KAZN: variants seen among roughly 807,000 people sequenced by gnomAD.
The protein encoded by KAZN is kazrin.
Under a neutral mutation model 87.4 loss-of-function variants are expected in KAZN, and 40 were observed. That is an observed-to-expected ratio of 0.46 (90% confidence interval 0.36 to 0.60). The LOEUF (loss-of-function observed/expected upper bound fraction) is 0.60. KAZN is among the 20% of genes least tolerant of loss of function. The probability of loss-of-function intolerance (pLI) is 0.00; values close to 1 mark genes in which losing one functional copy is unlikely to be tolerated. For missense variants in KAZN, 898 were observed against 1,073.9 expected, an observed-to-expected ratio of 0.84 and a Z score of 2.29; for synonymous variants, 466 against 458.3, an observed-to-expected ratio of 1.02 and a Z score of -0.22.
rs142347737 is a variant in KAZN, at chr1:14,772,181, G to A, written c.226+172958G>A. On this transcript the variant is annotated intron_variant, in intron 1 of 14. Coordinates refer to ENST00000376030, the MANE Select transcript of KAZN (RefSeq NM_201628.3). ...CAATGAGGGTGTCCCTTCTGGTTGG[G>A]GAACAAGAGTCTAGGATGGGCCTGG... Among the ~76,000 whole-genome samples, 543 of 152,204 alleles carry A rather than the reference G, an allele frequency of 3.6e-3. 3 individuals carry two copies. The highest frequency in any genetic ancestry group is 0.013 in the African/African-American group (523 of 41,536).
chr1:14,843,422 G>A (rs1220164614), intron 1 of KAZN, among the ~76,000 whole-genome samples: 4 of 152,214 alleles, frequency 2.6e-5, no homozygotes, highest in Non-Finnish European at 5.9e-5. Context: ...GCCAAGAGGA[G>A]TAGTTTTCTA....
At chr1:14,487,219 T>C (rs1227239976) in intron 2 of KAZN, among the ~76,000 whole-genome samples, 2 of 152,234 alleles carry the variant, frequency 1.3e-5, no homozygotes, top group African/African-American at 2.4e-5. Flanking sequence ...ACCTGGTTTT[T>C]TGGGGACACC....
intron 2 of KAZN, among the ~76,000 whole-genome samples, chr1:14,191,830 C>G (rs1646425051): frequency 1.3e-5 from 2 of 152,084 alleles, no homozygotes; most frequent in African/African-American, 4.8e-5. Flanking sequence ...CTCACACAGG[C>G]AGGTGATGGG....
chr1:13,955,284 T>C (rs1245577569), intron 1 of KAZN, among the ~76,000 whole-genome samples: 1 of 152,228 alleles, frequency 6.6e-6, no homozygotes, highest in Non-Finnish European at 1.5e-5. Context: ...ATAACCGTTA[T>C]ACCCGTATGA....
intron 1 of KAZN, among the ~76,000 whole-genome samples, chr1:13,923,966 G>C (rs566207092): frequency 6.6e-6 from 1 of 151,830 alleles, no homozygotes; most frequent in East Asian, 1.9e-4. Flanking sequence ...GGTCTCCCCT[G>C]GATGGCCCGT....
intron 1 of KAZN, among the ~76,000 whole-genome samples, chr1:13,989,051 G>T (rs915426970): frequency 1.3e-5 from 2 of 152,098 alleles, no homozygotes; most frequent in Admixed American, 6.5e-5. Context: ...GGGCCTTCTT[G>T]TTGTATTATC....
At chr1:14,619,056 A>G (rs1572060824) in intron 1 of KAZN, among the ~76,000 whole-genome samples, 4 of 152,122 alleles carry the variant, frequency 2.6e-5, no homozygotes, top group Admixed American at 2.6e-4. Flanking sequence ...TCTGGGTGGG[A>G]TGGGAGAATT....
Position 14,692,177 on chromosome 1 carries a change from C to T in KAZN, c.226+92954C>T, listed in dbSNP as rs1641355085. On this transcript the variant is annotated intron_variant, in intron 1 of 14. Transcript: ENST00000376030. ...GTACTAAATGTGCTTCTTTATATTC[C>T]TCAGTGTCTTCCAAGTCTTTTTCAC... is the stretch of plus-strand genomic sequence containing the variant. The T allele has an allele frequency of 9.9e-6, 4 of 403,478 alleles. No homozygotes were observed. The South Asian group carries it at 4.2e-4, about 42-fold the overall frequency. 25.0% of individuals were successfully genotyped at this position (403,478 alleles called of 1,614,324 possible). A position where few individuals can be genotyped will look rare whatever the true frequency, so the allele number is the denominator to read the frequency against.
chr1:14,500,679 CA>C (rs1670187899), intron 2 of KAZN, among the ~76,000 whole-genome samples: 1 of 151,826 alleles, frequency 6.6e-6, no homozygotes, highest in Non-Finnish European at 1.5e-5. Context: ...TTCAAAAGAT[CA>C]ACAAGATTGA....
At chr1:14,929,996 G>A in intron 1 of KAZN, 1 of 985,624 alleles carries the variant, frequency 1.0e-6, no homozygotes, top group South Asian at 4.7e-5. Context: ...GTCATGTGCT[G>A]CAGTGGCACC....
chr1:14,436,297 G>A (rs1477620215), intron 2 of KAZN, among the ~76,000 whole-genome samples: 1 of 152,074 alleles, frequency 6.6e-6, no homozygotes, highest in Non-Finnish European at 1.5e-5. Flanking sequence ...AGTCACTCAG[G>A]CAGGAAGTGG....
In KAZN at chr1:14,186,287, G is replaced by A. The variant is rs778666274; in HGVS notation, c.249+5695G>A. The stretch of plus-strand genomic sequence containing the variant: ...GTTCCTGTTACAGTAAGCAGGATAC[G>A]AAATAGTAACAAAATCATGTAAGGA... On this transcript the variant is annotated intron_variant, in intron 2 of 16. Coordinates refer to the KAZN transcript ENST00000636203. Among the ~76,000 whole-genome samples the A allele has an allele frequency of 6.8e-4, 104 of 152,088 alleles. 1 individual carries two copies. The highest frequency in any genetic ancestry group is 3.5e-4 in the Non-Finnish European group (24 of 68,016).
intron 1 of KAZN, among the ~76,000 whole-genome samples, chr1:14,116,886 A>C (rs189245692): frequency 6.6e-6 from 1 of 152,312 alleles, no homozygotes; most frequent in Non-Finnish European, 1.5e-5. Context: ...GAGTCAAAGG[A>C]GATCATTTTG....
chr1:13,966,630 A>G (rs76371160), intron 1 of KAZN, among the ~76,000 whole-genome samples: 5,066 of 152,252 alleles, frequency 0.033, 269 homozygotes, highest in African/African-American at 0.12. Flanking sequence ...TGTCTACCAC[A>G]GTAGCCCCCT....
chr1:14,970,105 T>C (rs556793353), intron 2 of KAZN, among the ~76,000 whole-genome samples: 9 of 152,210 alleles, frequency 5.9e-5, no homozygotes, highest in Non-Finnish European at 1.0e-4. Context: ...TGAGCCATGG[T>C]GCCTGGCCCA....
At chr1:14,083,932 C>T (rs1643770545) in intron 1 of KAZN, among the ~76,000 whole-genome samples, 1 of 152,160 alleles carries the variant, frequency 6.6e-6, no homozygotes, top group African/African-American at 2.4e-5. Context: ...TGTCCTAGGA[C>T]CTGTGAGCAA....
intron 1 of KAZN, among the ~76,000 whole-genome samples, chr1:13,913,434 G>A (rs1422371518): frequency 6.6e-6 from 1 of 152,152 alleles, no homozygotes; most frequent in African/African-American, 2.4e-5. Flanking sequence ...TGGAGCTAGA[G>A]ATGGTCAGCG....
intron 1 of KAZN, among the ~76,000 whole-genome samples, chr1:14,750,118 G>A (rs1051295715): frequency 1.1e-4 from 16 of 152,156 alleles, no homozygotes; most frequent in African/African-American, 3.9e-4. Context: ...CGGCCATTGT[G>A]AGAAGCTGGG....
rs1383044475 is a variant in KAZN at position 15,096,467 on chromosome 1, G to C, written c.1547+1534G>C. Among the ~76,000 whole-genome samples the C allele has an allele frequency of 2.0e-5, 3 of 152,196 alleles. No homozygotes were observed. The highest frequency in any genetic ancestry group is 2.0e-4 in the Admixed American group (3 of 15,286). On this transcript the variant is annotated intron_variant, in intron 10 of 14. Transcript: ENST00000376030. This position sits in a 1 kb window ranked among gnomAD's most constrained non-coding sequence, Gnocchi z 4.5. ...CAGGGGTGCGGCCTGCCCAGCCCCT[G>C]CCCCCGACAGCCTCGTCCCCCAGCA... is the stretch of plus-strand genomic sequence containing the variant.
Sources: allele counts gnomAD v4.1 joint callset (sites outside exome capture counted in the v4.1 genomes callset), GRCh38; gene constraint gnomAD v4.1.1; non-coding constraint Gnocchi (gnomAD v3.1); transcripts MANE v1.5; gene names NCBI Gene and HGNC (gene_info 2026-07-23, HGNC 2026-07-21).